PCDH15: variants seen among roughly 807,000 people sequenced by gnomAD.
PCDH15 encodes the protein protocadherin-15.
A neutral mutation model predicts 178.5 loss-of-function variants in PCDH15; 129 were observed. That is an observed-to-expected ratio of 0.72 (90% CI 0.63 to 0.84). The LOEUF (loss-of-function observed/expected upper bound fraction) is 0.84. Ranked by LOEUF, PCDH15 falls within the 40% of genes least tolerant of loss-of-function variation. The pLI is 0.00. For synonymous variants in PCDH15, 800 were observed against 732.0 expected (o/e 1.09, Z -1.50); for missense variants, 2,230 against 2,099.9 (o/e 1.06, Z -1.21).
chr10:55,075,502 A>G (rs1431208142), intron 2 of PCDH15, among the ~76,000 whole-genome samples: 2 of 151,608 alleles, frequency 1.3e-5, no homozygotes, highest in Non-Finnish European at 2.9e-5. Flanking sequence ...AATAGCTGGG[A>G]TTACAGGCAT....
intron 2 of PCDH15, among the ~76,000 whole-genome samples, chr10:55,063,575 T>C (rs1396971379): frequency 1.3e-5 from 2 of 152,160 alleles, no homozygotes; most frequent in African/African-American, 2.4e-5. Flanking sequence ...ACTATCTTTT[T>C]TCTGTATATG....
At chr10:53,916,643 T>G (rs575715309) in intron 25 of PCDH15, among the ~76,000 whole-genome samples, 5 of 152,308 alleles carry the variant, frequency 3.3e-5, no homozygotes, top group Middle Eastern at 6.8e-3. Context: ...ACTGTAGTAG[T>G]TGTAATCTGG....
intron 9 of PCDH15, among the ~76,000 whole-genome samples, chr10:54,232,184 C>T (rs573627114): frequency 1.3e-5 from 2 of 152,232 alleles, no homozygotes; most frequent in South Asian, 2.1e-4. Flanking sequence ...GGGGAAATTT[C>T]CCCCTTGCTG....
intron 21 of PCDH15, among the ~76,000 whole-genome samples, chr10:53,989,428 T>G (rs1349980171): frequency 6.6e-6 from 1 of 152,198 alleles, no homozygotes; most frequent in East Asian, 1.9e-4. Flanking sequence ...TCAAGTATTA[T>G]TAATAATATA....
At chr10:55,438,604 C>T (rs1157763111) in intron 2 of PCDH15, among the ~76,000 whole-genome samples, 2 of 151,498 alleles carry the variant, frequency 1.3e-5, no homozygotes, top group Non-Finnish European at 2.9e-5. Context: ...TGATAAAATA[C>T]AGGAAAAATG....
At chr10:55,486,730 C>T (rs891918348) in intron 2 of PCDH15, among the ~76,000 whole-genome samples, 1 of 151,516 alleles carries the variant, frequency 6.6e-6, no homozygotes, top group African/African-American at 2.4e-5. Flanking sequence ...TCATCTCAAA[C>T]TCCTGGCCTC....
intron 2 of PCDH15, among the ~76,000 whole-genome samples, chr10:55,596,004 C>T (rs1842928923): frequency 6.6e-6 from 1 of 151,980 alleles, no homozygotes; most frequent in Non-Finnish European, 1.5e-5. Context: ...AATCAACAGA[C>T]ACCTAGAGAT....
intron 2 of PCDH15, among the ~76,000 whole-genome samples, chr10:55,098,892 C>A (rs943268833): frequency 1.7e-5 from 1 of 57,388 alleles, no homozygotes; most frequent in Admixed American, 2.0e-4. Flanking sequence ...ATTAAAACTT[C>A]AATGAGAGAG....
chr10:55,004,707 C>T (rs1334303818), intron 2 of PCDH15, among the ~76,000 whole-genome samples: 1 of 152,122 alleles, frequency 6.6e-6, no homozygotes, highest in Non-Finnish European at 1.5e-5. Flanking sequence ...TCCTGTTTTC[C>T]TCAGCTGTAG....
chr10:54,121,017 C>T (rs1344251706), intron 15 of PCDH15, among the ~76,000 whole-genome samples: 1 of 151,618 alleles, frequency 6.6e-6, no homozygotes, highest in South Asian at 2.1e-4. Context: ...GGAATATACT[C>T]CAAGATTTAC....
chr10:55,176,096 G>A (rs1346212503), intron 1 of PCDH15, among the ~76,000 whole-genome samples: 3 of 152,020 alleles, frequency 2.0e-5, no homozygotes, highest in African/African-American at 7.2e-5. Flanking sequence ...CCATCCAGGA[G>A]CCCAGGGTGA....
intron 2 of PCDH15, among the ~76,000 whole-genome samples, chr10:55,114,657 C>T (rs1837587188): frequency 6.6e-6 from 1 of 152,164 alleles, no homozygotes; most frequent in African/African-American, 2.4e-5. Flanking sequence ...GTGATGTCTT[C>T]TTTGTCCATG....
chr10:55,615,466 A>G (rs926115002), intron 2 of PCDH15, among the ~76,000 whole-genome samples: 2 of 152,216 alleles, frequency 1.3e-5, no homozygotes, highest in Admixed American at 1.3e-4. Context: ...ACAGCAATAA[A>G]TGGGATAATT....
rs577088092 is a variant in PCDH15, at chr10:54,064,480, G to A, written c.2220+2277C>T. Among the ~76,000 whole-genome samples the A allele has an allele frequency of 4.6e-5, 7 of 152,230 alleles. No homozygotes were observed. The East Asian group carries it at 1.4e-3, about 30-fold the overall frequency. On this transcript the variant is annotated intron_variant, in intron 18 of 37. Transcript: ENST00000644397. ...TGGCTTGAAGGTGGGGCTTCACCAGGGACACCCCACTTTCCACCCAGGAGC... is the reference window on the plus strand; with the variant it reads ...TGGCTTGAAGGTGGGGCTTCACCAGAGACACCCCACTTTCCACCCAGGAGC...
chr10:54,606,749 T>C (rs1446591600), intron 2 of PCDH15: 2 of 152,006 alleles, frequency 1.3e-5, no homozygotes, highest in Non-Finnish European at 2.9e-5. Flanking sequence ...AGATAAGAAG[T>C]CAAGCTACAC....
intron 5 of PCDH15, among the ~76,000 whole-genome samples, chr10:54,347,227 T>G (rs989671573): frequency 6.6e-6 from 1 of 152,122 alleles, no homozygotes; most frequent in Non-Finnish European, 1.5e-5. Flanking sequence ...ATAACCAGAG[T>G]AATTTTTTTA....
intron 1 of PCDH15, among the ~76,000 whole-genome samples, chr10:55,271,831 CA>C (rs1160250190): frequency 2.0e-5 from 3 of 152,084 alleles, no homozygotes; most frequent in Non-Finnish European, 2.9e-5. Flanking sequence ...AATTGCCTAT[CA>C]AACATTTTCC....
chr10:54,098,061 T>C (rs1164906186), intron 15 of PCDH15, among the ~76,000 whole-genome samples: 1 of 152,104 alleles, frequency 6.6e-6, no homozygotes, highest in Non-Finnish European at 1.5e-5. Context: ...ATCTGGTACT[T>C]GAAGCAACTG....
intron 2 of PCDH15, among the ~76,000 whole-genome samples, chr10:55,087,337 G>GTA (rs146074644): frequency 0.04 from 6,163 of 152,234 alleles, 295 homozygotes; most frequent in East Asian, 0.14. Flanking sequence ...CTTCAAAGAT[G>GTA]TGTCTTCAAG....
Sources: allele counts gnomAD v4.1 joint callset (sites outside exome capture counted in the v4.1 genomes callset), GRCh38; gene constraint gnomAD v4.1.1; transcripts MANE v1.5; gene names NCBI Gene and HGNC (gene_info 2026-07-23, HGNC 2026-07-21).